The following CRYBG1 variants were observed in gnomAD, a reference collection of about 807,000 sequenced individuals.
CRYBG1 encodes the protein beta/gamma crystallin domain-containing protein 1.
In CRYBG1, 139 loss-of-function variants were observed where a neutral mutation model predicts 189.2. The ratio of observed to expected loss-of-function variants is 0.73; its 90% CI spans 0.64 to 0.85. The LOEUF is 0.85. CRYBG1 is among the 40% of genes least tolerant of loss of function. The pLI is 0.00. For missense variants in CRYBG1, 2,611 were observed against 2,675.8 expected (o/e 0.98, Z 0.53); for synonymous variants, 1,023 against 1,017.1 (o/e 1.01, Z -0.11).
At chr6:106,382,463 T>C (rs1197740454) in intron 1 of CRYBG1, among the ~76,000 whole-genome samples, 1 of 152,220 alleles carries the variant, frequency 6.6e-6, no homozygotes, top group African/African-American at 2.4e-5. Context: ...ATCTGGACTT[T>C]GAAATTTTTG....
intron 1 of CRYBG1, among the ~76,000 whole-genome samples, chr6:106,400,779 G>C (rs80153675): frequency 3.3e-5 from 5 of 152,308 alleles, no homozygotes; most frequent in African/African-American, 7.2e-5. Context: ...AGCACCTACA[G>C]TGTCAATGGG....
At chr6:106,458,724 C>T (rs1279739574) in intron 2 of CRYBG1, among the ~76,000 whole-genome samples, 1 of 152,070 alleles carries the variant, frequency 6.6e-6, no homozygotes, top group African/African-American at 2.4e-5. Context: ...AACACATAAG[C>T]CTGCTGCGTG....
At chr6:106,384,064 G>A (rs982327798) in intron 1 of CRYBG1, among the ~76,000 whole-genome samples, 4 of 152,200 alleles carry the variant, frequency 2.6e-5, no homozygotes, top group African/African-American at 9.7e-5. Flanking sequence ...TGTGAACTCA[G>A]CACAGCACAT....
intron 16 of CRYBG1, among the ~76,000 whole-genome samples, chr6:106,555,234 C>CA (rs1774507983): frequency 6.7e-6 from 1 of 149,772 alleles, no homozygotes; most frequent in Non-Finnish European, 1.5e-5. Context: ...GGGAGCATGG[C>CA]AAATCACCAT....
intron 1 of CRYBG1, among the ~76,000 whole-genome samples, chr6:106,399,511 C>T (rs186309254): frequency 3.3e-5 from 5 of 152,022 alleles, no homozygotes; most frequent in Non-Finnish European, 5.9e-5. Context: ...TTTCTGGATG[C>T]GTGACATAGG....
intron 8 of CRYBG1, among the ~76,000 whole-genome samples, chr6:106,530,668 G>C (rs572680660): frequency 1.1e-5 from 1 of 89,420 alleles, no homozygotes; most frequent in Non-Finnish European, 2.7e-5. Flanking sequence ...TGATATTTCT[G>C]GGGGGGGATG....
chr6:106,519,191 G>A lies in CRYBG1; in HGVS notation c.1983G>A (p.Leu661=), dbSNP rs767045029. The A allele has an allele frequency of 6.2e-7, 1 of 1,614,080 alleles. No individual in the cohort carries two copies. Among genetic ancestry groups the A allele is most frequent in the South Asian group, 1.1e-5 (1 of 91,076 alleles). ...NLKTPKNLDS[L]GNEHNPFSQP... is the part of the protein sequence containing the mutation. ...AAACCCCTAAGAATCTTGACAGTTT[G>A]GGAAATGAGCACAATCCATTTAGCC... The change falls in exon 4 of 22, where the codon TTG becomes TTA. Residue 661 remains leucine (L), a synonymous_variant. Transcript: ENST00000633556.
intron 17 of CRYBG1, 71 bp from the exon 18 acceptor site, chr6:106,558,415 A>G (rs897172573): frequency 7.5e-7 from 1 of 1,325,184 alleles, no homozygotes; most frequent in African/African-American, 1.5e-5. Flanking sequence ...CCTTGTAACA[A>G]GATGATTTTC....
intron 9 of CRYBG1, among the ~76,000 whole-genome samples, chr6:106,539,835 T>C (rs1247438349): frequency 1.3e-5 from 2 of 152,124 alleles, no homozygotes; most frequent in Non-Finnish European, 2.9e-5. Context: ...AGTGAAGAAT[T>C]AAACATTGGT....
chr6:106,461,518 T>G (rs1390049972), intron 2 of CRYBG1, among the ~76,000 whole-genome samples: 1 of 152,202 alleles, frequency 6.6e-6, no homozygotes, highest in Non-Finnish European at 1.5e-5. Flanking sequence ...TCATTTTGAC[T>G]GGAGAGATGA....
intron 1 of CRYBG1, among the ~76,000 whole-genome samples, chr6:106,410,575 A>C (rs1432590378): frequency 6.6e-6 from 1 of 152,226 alleles, no homozygotes; most frequent in African/African-American, 2.4e-5. Flanking sequence ...ACATGCACAC[A>C]TATGTTTATT....
rs1774943179 is a variant in CRYBG1 at position 106,568,049 on chromosome 6, ACTAC to A, written c.6302-420_6302-417del. Among the ~76,000 whole-genome samples, 35 of 139,554 alleles carry A rather than the reference ACTAC, an allele frequency of 2.5e-4. No homozygotes were observed. In the South Asian group the frequency reaches 7.3e-3, roughly 29 times the overall value. The allele number at this position is 139,554 out of a possible 152,430, so 91.6% of individuals were successfully genotyped here. On this transcript the variant is annotated intron_variant, in intron 21 of 21. Transcript: ENST00000633556. ...CTCCCACCTTTCCACCACTGCCAGG[ACTAC>A]CTGCTCTTTCCTCGCTGGTGTCTCG...
chr6:106,512,908 C>A lies in CRYBG1; in HGVS notation c.1791C>A (p.Gly597=). The A allele has an allele frequency of 6.2e-7, 1 of 1,605,028 alleles. No individual in the cohort carries two copies. Among genetic ancestry groups the A allele is most frequent in the Non-Finnish European group, 8.5e-7 (1 of 1,176,046 alleles). Residue 597 remains glycine, a synonymous_variant, in exon 3 of 22, where the codon GGC becomes GGA. Coordinates refer to ENST00000633556, the MANE Select transcript of CRYBG1 (RefSeq NM_001371242.2). ...GCCCGCTCCCCAACCACTTCAACGG[C>A]CGGGCAGAGGGAGGTCGAAGCAGAG... The part of the protein sequence containing the change: ...KRGPLPNHFN[G]RAEGGRSREL...
chr6:106,452,573 A>G (rs1771806298), intron 2 of CRYBG1, among the ~76,000 whole-genome samples: 1 of 152,168 alleles, frequency 6.6e-6, no homozygotes, highest in Admixed American at 6.5e-5. Flanking sequence ...ACAGATTAAT[A>G]TGATGTCAAT....
At chr6:106,456,362 A>G (rs1771889283) in intron 2 of CRYBG1, among the ~76,000 whole-genome samples, 2 of 149,140 alleles carry the variant, frequency 1.3e-5, no homozygotes, top group Non-Finnish European at 1.5e-5. Context: ...GAGTTTCACC[A>G]TATTGGCCAG....
At chr6:106,478,228 T>C (rs993404330) in intron 2 of CRYBG1, among the ~76,000 whole-genome samples, 5 of 152,204 alleles carry the variant, frequency 3.3e-5, no homozygotes, top group Non-Finnish European at 7.4e-5. Flanking sequence ...GCACAAAAAT[T>C]AAAAAGAAAA....
In CRYBG1 at chr6:106,512,589, GT is replaced by G; in HGVS notation, c.1473del (p.Thr492ProfsTer131). ...AASPESKPSPGTKGQLRGESD... is the reference protein window; with the variant it reads ...AASPESKPSPXTKGQLRGESD... ...AGCCCAGAGTCCAAGCCCAGCCCCG[GT>G]ACCAAAGGGCAGCTCCGAGGGGAGT... On this transcript the variant is annotated frameshift_variant, in exon 3 of 22. Coordinates refer to ENST00000633556, the MANE Select transcript of CRYBG1 (RefSeq NM_001371242.2). LOFTEE classifies it high-confidence loss of function. 6.2e-7 allele frequency: 1 copy of G among 1,605,298 alleles called. No individual in the cohort carries two copies. The highest frequency in any genetic ancestry group is 1.7e-4 in the Middle Eastern group (1 of 6,042).
Position 106,511,639 on chromosome 6 carries a change from A to G in CRYBG1, c.522A>G (p.Gln174=), listed in dbSNP as rs1046396033. The change falls in exon 3 of 22, where the codon CAA becomes CAG. Residue 174 remains glutamine, a synonymous_variant. Coordinates refer to ENST00000633556, the MANE Select transcript of CRYBG1 (RefSeq NM_001371242.2). ...AGAGGAGCAGATCTCAGAGCAGCCA[A>G]CTGAAGCAAACGGACACAAGCGAGG... ...ESERSRSQSS[Q]LKQTDTSEEG... 11 of 1,535,744 alleles carry G rather than the reference A, an allele frequency of 7.2e-6. No homozygotes were observed. Among genetic ancestry groups the G allele is most frequent in the Admixed American group, 3.9e-5 (2 of 50,970 alleles).
chr6:106,509,437 AT>A (rs1439984788), intron 2 of CRYBG1, among the ~76,000 whole-genome samples: 4 of 152,184 alleles, frequency 2.6e-5, no homozygotes, highest in Non-Finnish European at 5.9e-5. Context: ...TTATATAACC[AT>A]TGAAGAATCG....
Sources: gnomAD v4.1 joint callset for allele counts (sites outside exome capture counted in the v4.1 genomes callset) on GRCh38, gnomAD v4.1.1 for gene constraint, MANE v1.5 for transcripts, NCBI Gene and HGNC (gene_info 2026-07-23, HGNC 2026-07-21) for gene names.